Variants in ASIC2 observed in about 807,000 individuals in gnomAD.
ASIC2 encodes the protein acid sensing ion channel subunit 2.
In ASIC2, 25 loss-of-function variants were observed where a neutral mutation model predicts 57.3. The ratio of observed to expected loss-of-function variants is 0.44; its 90% CI spans 0.32 to 0.61. ASIC2 has a LOEUF of 0.61. Ranked by LOEUF, ASIC2 falls within the 20% of genes least tolerant of loss-of-function variation. ASIC2 has a pLI of 0.06. For synonymous variants in ASIC2, 319 were observed against 307.5 expected (o/e 1.04, Z -0.39); for missense variants, 641 against 738.1 (o/e 0.87, Z 1.52).
At chr17:33,756,249 A>C (rs1910601695) in intron 1 of ASIC2, among the ~76,000 whole-genome samples, 1 of 152,196 alleles carries the variant, frequency 6.6e-6, no homozygotes, top group African/African-American at 2.4e-5. Flanking sequence ...ATTCAATGCC[A>C]GCCTTGGCTC....
intron 1 of ASIC2, among the ~76,000 whole-genome samples, chr17:33,989,915 C>A (rs1339102421): frequency 6.6e-6 from 1 of 152,146 alleles, no homozygotes; most frequent in African/African-American, 2.4e-5. Flanking sequence ...TCTAGGGTTG[C>A]AGCAGTGGGA....
chr17:33,295,190 CT>C (rs11333539), upstream of ASIC2, among the ~76,000 whole-genome samples: 35,782 of 152,118 alleles, frequency 0.24, 4,629 homozygotes, highest in Middle Eastern at 0.36. Flanking sequence ...ACATGTGCTA[CT>C]TTTGATTGAC....
chr17:33,053,163 A>T (rs545325761), intron 3 of ASIC2, among the ~76,000 whole-genome samples: 20 of 152,264 alleles, frequency 1.3e-4, no homozygotes, highest in African/African-American at 4.6e-4. Context: ...AATACAGGCA[A>T]TTTTTTATTA....
chr17:33,160,662 G>A (rs555288544), intron 1 of ASIC2, among the ~76,000 whole-genome samples: 1 of 152,254 alleles, frequency 6.6e-6, no homozygotes, highest in Non-Finnish European at 1.5e-5. Context: ...TCTGAGAGAG[G>A]TGGGACAGAG....
intron 1 of ASIC2, among the ~76,000 whole-genome samples, chr17:34,022,000 G>A (rs1907180767): frequency 1.3e-5 from 2 of 152,002 alleles, no homozygotes; most frequent in African/African-American, 2.4e-5. Context: ...ACCACGCCTG[G>A]CTAATTTTTT....
intron 1 of ASIC2, among the ~76,000 whole-genome samples, chr17:34,135,537 C>T (rs1598043211): frequency 6.6e-6 from 1 of 152,162 alleles, no homozygotes; most frequent in Non-Finnish European, 1.5e-5. Flanking sequence ...TGTGGCGAGA[C>T]CCAGACATCT....
intron 1 of ASIC2, among the ~76,000 whole-genome samples, chr17:33,598,973 G>A (rs77611435): frequency 6.6e-6 from 1 of 152,222 alleles, no homozygotes; most frequent in African/African-American, 2.4e-5. Context: ...TTTGGACTGT[G>A]TGAGTGTGCA....
chr17:33,391,219 G>T (rs1394389), intron 1 of ASIC2, among the ~76,000 whole-genome samples: 3 of 152,124 alleles, frequency 2.0e-5, no homozygotes, highest in Admixed American at 6.5e-5. Flanking sequence ...AGAAGGGATA[G>T]GATTATTTGC....
Position 33,137,362 on chromosome 17 carries a change from T to G in ASIC2, c.709-25295A>C, listed in dbSNP as rs2092370850. Among the ~76,000 whole-genome samples the G allele has an allele frequency of 7.2e-5, 11 of 152,340 alleles. 1 individual carries two copies. The South Asian group carries it at 2.3e-3, about 32-fold the overall frequency. ...AGTGGGTGGCAGAGCATACACCACTTCTGTCTGAGATTGGATCCCTCCAGG... is the reference window on the plus strand; with the variant it reads ...AGTGGGTGGCAGAGCATACACCACTGCTGTCTGAGATTGGATCCCTCCAGG... On this transcript the variant is annotated intron_variant, in intron 1 of 9. Transcript: ENST00000225823.
intron 1 of ASIC2, among the ~76,000 whole-genome samples, chr17:33,934,958 C>T (rs1018691190): frequency 7.9e-5 from 12 of 152,338 alleles, no homozygotes; most frequent in Admixed American, 2.6e-4. Context: ...GGTCCTCATA[C>T]ATACTGACAT....
intron 1 of ASIC2, among the ~76,000 whole-genome samples, chr17:33,952,252 T>G (rs936981654): frequency 3.9e-5 from 6 of 152,070 alleles, no homozygotes; most frequent in Non-Finnish European, 8.8e-5. Context: ...GCTTAGAAAT[T>G]TATCAAATCA....
intron 1 of ASIC2, among the ~76,000 whole-genome samples, chr17:33,541,605 G>T (rs1490460231): frequency 6.6e-6 from 1 of 152,166 alleles, no homozygotes; most frequent in Non-Finnish European, 1.5e-5. Context: ...CATCCTATCT[G>T]CAGTAAGGTG....
rs114778505 is a variant in ASIC2 at position 33,080,099 on chromosome 17, G to A, written c.987+8764C>T. ...TGGGGTGGCAGTCTGGGAATTATGG[G>A]AAAGGATGCTGTAACCTGGGAGAGG... On this transcript the variant is annotated intron_variant, in intron 3 of 9. Coordinates refer to ENST00000225823, the MANE Select transcript of ASIC2 (RefSeq NM_183377.2). 2.0e-3 allele frequency among the ~76,000 whole-genome samples: 305 copies of A among 152,238 alleles called. 2 individuals are homozygous for A. The highest frequency in any genetic ancestry group is 6.7e-3 in the African/African-American group (280 of 41,520).
intron 1 of ASIC2, among the ~76,000 whole-genome samples, chr17:34,129,883 C>T (rs1911900056): frequency 1.3e-5 from 2 of 152,294 alleles, no homozygotes; most frequent in South Asian, 2.1e-4. Flanking sequence ...GCTATTGTCA[C>T]CCTCCAGACA....
At chr17:33,198,026 C>G (rs1489314343) in intron 1 of ASIC2, among the ~76,000 whole-genome samples, 1 of 152,182 alleles carries the variant, frequency 6.6e-6, no homozygotes, top group Non-Finnish European at 1.5e-5. Flanking sequence ...TACTGGGTTT[C>G]CTCCTTTGTA....
chr17:34,035,363 C>A (rs911125254), intron 1 of ASIC2, among the ~76,000 whole-genome samples: 1 of 145,388 alleles, frequency 6.9e-6, no homozygotes, highest in Non-Finnish European at 1.5e-5. Flanking sequence ...CTTCCTTACA[C>A]CTTATACAAA....
At chr17:33,741,643 T>C (rs903582334) in intron 1 of ASIC2, among the ~76,000 whole-genome samples, 2 of 152,138 alleles carry the variant, frequency 1.3e-5, no homozygotes, top group Non-Finnish European at 2.9e-5. Flanking sequence ...GTAGTCAGAG[T>C]TATCCATCTC....
intron 1 of ASIC2, among the ~76,000 whole-genome samples, chr17:33,426,858 A>T (rs1911237996): frequency 6.6e-6 from 1 of 152,190 alleles, no homozygotes; most frequent in Admixed American, 6.5e-5. Flanking sequence ...ATATGATGGG[A>T]AAAAACAAGG....
intron 1 of ASIC2, among the ~76,000 whole-genome samples, chr17:33,282,531 G>A (rs1904999117): frequency 6.6e-6 from 1 of 151,964 alleles, no homozygotes; most frequent in Non-Finnish European, 1.5e-5. Context: ...CTGGAGTGTA[G>A]TGGTACAATC....
Sources: allele counts gnomAD v4.1 joint callset (sites outside exome capture counted in the v4.1 genomes callset), GRCh38; gene constraint gnomAD v4.1.1; transcripts MANE v1.5; gene names NCBI Gene and HGNC (gene_info 2026-07-23, HGNC 2026-07-21).